Variants in ZNF454 observed in about 807,000 individuals in gnomAD.
The protein encoded by ZNF454 is zinc finger protein 454.
ZNF454 carries 30 observed loss-of-function variants against 48.2 expected under a neutral mutation model. That is an observed-to-expected ratio of 0.62 (90% confidence interval 0.47 to 0.84). The LOEUF (loss-of-function observed/expected upper bound fraction) is 0.84. Ranked by LOEUF, ZNF454 falls within the 40% of genes least tolerant of loss-of-function variation. ZNF454 has a pLI of 0.00. For missense variants in ZNF454, 510 were observed against 623.1 expected (o/e 0.82, Z 1.93); for synonymous variants, 204 against 211.4 (o/e 0.97, Z 0.30).
chr5:178,989,388 T>C, the ZNF454 span: 1 of 1,614,110 alleles, frequency 6.2e-7, no homozygotes, highest in Non-Finnish European at 8.5e-7. Flanking sequence ...GATCGAGTCA[T>C]GAAGTACTGG....
At chr5:178,981,744 C>T in the ZNF454 span, 1 of 1,614,014 alleles carries the variant, frequency 6.2e-7, no homozygotes, top group Non-Finnish European at 8.5e-7. The surrounding 1 kb of genome is among the most constrained non-coding windows in gnomAD (Gnocchi z 5.1). Flanking sequence ...TCTGCACATT[C>T]TGCTCTGGAT....
At chr5:178,967,010 C>A (rs372755915), downstream of ZNF454, among the ~76,000 whole-genome samples, 2 of 152,294 alleles carry the variant, frequency 1.3e-5, no homozygotes, top group Admixed American at 6.5e-5. Flanking sequence ...TTGAATATCA[C>A]ACCCAAATCC....
the ZNF454 span, chr5:178,986,813 C>G: frequency 6.2e-7 from 1 of 1,613,156 alleles, no homozygotes; most frequent in South Asian, 1.1e-5. Flanking sequence ...CCCATGCCCA[C>G]CTGGGGCTCG....
Position 178,946,620 on chromosome 5 carries a change from C to A in ZNF454, c.160+135C>A. ...AAGGGTGCCATTAATTTTACCTGTCCTTGGTGTCCTGGGCACAGGCCTCTT... is the reference window on the plus strand; with the variant it reads ...AAGGGTGCCATTAATTTTACCTGTCATTGGTGTCCTGGGCACAGGCCTCTT... On this transcript the variant is annotated intron_variant, in intron 3 of 4. Transcript: ENST00000519564. This position sits in a 1 kb window ranked among gnomAD's most constrained non-coding sequence, Gnocchi z 4.5. 7.9e-7 allele frequency: 1 copy of A among 1,261,920 alleles called. No individual in the cohort carries two copies. Among genetic ancestry groups the A allele is most frequent in the Non-Finnish European group, 1.1e-6 (1 of 926,910 alleles). The allele number at this position is 1,261,920 out of a possible 1,614,324, so 78.2% of individuals were successfully genotyped here.
chr5:178,964,603 C>A, intron 4 of ZNF454, 52 bp from the exon 5 acceptor site: 1 of 1,391,650 alleles, frequency 7.2e-7, no homozygotes, highest in Non-Finnish European at 1.0e-6. Flanking sequence ...CTTGCCCCAT[C>A]CAAATGTTTT....
downstream of ZNF454, among the ~76,000 whole-genome samples, chr5:178,968,549 TATTTC>T (rs1166145929): frequency 6.6e-6 from 1 of 152,216 alleles, no homozygotes; most frequent in Non-Finnish European, 1.5e-5. Context: ...TGTGAAGCAG[TATTTC>T]AAGAGGTTTC....
At chr5:178,989,534 G>C in the ZNF454 span, 1 of 1,148,792 alleles carries the variant, frequency 8.7e-7, no homozygotes, top group East Asian at 2.3e-5. Context: ...AGGTGAACTA[G>C]GCATGGCCAG....
Position 178,946,928 on chromosome 5 carries a change from C to A in ZNF454, c.192C>A (p.Ser64=). ...GLLGPKPDTF[S]QLEKREVWMP... ...TAGGACCCAAACCAGATACGTTTTC[C>A]CAGCTAGAAAAAAGGGAAGTGTGGA... Residue 64 remains serine, a synonymous_variant, in exon 4 of 5, where the codon TCC becomes TCA. Coordinates refer to ENST00000519564, the MANE Select transcript of ZNF454 (RefSeq NM_001178089.3). This position sits in a 1 kb window ranked among gnomAD's most constrained non-coding sequence, Gnocchi z 4.5. 3.7e-6 allele frequency: 6 copies of A among 1,613,972 alleles called. No individual in the cohort carries two copies. Among genetic ancestry groups the A allele is most frequent in the Non-Finnish European group, 5.1e-6 (6 of 1,179,960 alleles).
At chr5:178,958,175 G>A (rs1413678446) in intron 4 of ZNF454, among the ~76,000 whole-genome samples, 1 of 152,062 alleles carries the variant, frequency 6.6e-6, no homozygotes, top group Non-Finnish European at 1.5e-5. Context: ...CCAACTCAGT[G>A]AATTTTTACT....
intron 4 of ZNF454, among the ~76,000 whole-genome samples, chr5:178,952,374 C>G (rs922396876): frequency 6.6e-6 from 1 of 152,194 alleles, no homozygotes; most frequent in African/African-American, 2.4e-5. Context: ...TATTTACTTT[C>G]TACGACTTAC....
chr5:178,981,138 C>T, the ZNF454 span: 7 of 166,000 alleles, frequency 4.2e-5, no homozygotes, highest in South Asian at 3.3e-4. The surrounding 1 kb of genome is among the most constrained non-coding windows in gnomAD (Gnocchi z 5.1). Context: ...TCTCTCCCTC[C>T]GTGCCAGAGG....
At chr5:178,985,710 AAAAAC>A in the ZNF454 span, 10 of 417,752 alleles carry the variant, frequency 2.4e-5, no homozygotes, top group South Asian at 7.1e-5. Flanking sequence ...CTAAAAAAAA[AAAAAC>A]AAAACAACAC....
In ZNF454 at chr5:178,941,297, C is replaced by G; in HGVS notation, c.-255C>G. 1 of 438,324 alleles carries G rather than the reference C, an allele frequency of 2.3e-6. No individual in the cohort carries two copies. The highest frequency in any genetic ancestry group is 1.6e-5 in the South Asian group (1 of 61,002). 27.2% of individuals were successfully genotyped at this position (438,324 alleles called of 1,614,324 possible). A position where few individuals can be genotyped will look rare whatever the true frequency, so the allele number is the denominator to read the frequency against. ...AGGCTCCTCGAAGAGCGACACGGGG[C>G]TGACCAGGCACGGTGGTCAAAGCCG... On this transcript the variant is annotated 5_prime_UTR_variant, in exon 1 of 5. Transcript: ENST00000519564. This position sits in a 1 kb window ranked among gnomAD's most constrained non-coding sequence, Gnocchi z 5.5.
At chr5:178,968,441 A>C (rs1036139084), downstream of ZNF454, among the ~76,000 whole-genome samples, 30 of 152,166 alleles carry the variant, frequency 2.0e-4, no homozygotes, top group African/African-American at 5.5e-4. Flanking sequence ...AGTCCAAGTA[A>C]TCTAAATTCA....
chr5:178,987,466 G>T, the ZNF454 span: 5 of 456,790 alleles, frequency 1.1e-5, no homozygotes, highest in Non-Finnish European at 4.4e-6. Flanking sequence ...ACAATGGGAT[G>T]CGATTCAGCC....
At chr5:178,942,953 C>A in intron 2 of ZNF454, 129 bp downstream of exon 2, 1 of 1,001,992 alleles carries the variant, frequency 1.0e-6, no homozygotes, top group Non-Finnish European at 1.5e-6. Flanking sequence ...TGCCTCTCCC[C>A]AACCAACACC....
At chr5:178,960,590 C>A (rs1451470821) in intron 4 of ZNF454, among the ~76,000 whole-genome samples, 1 of 151,730 alleles carries the variant, frequency 6.6e-6, no homozygotes, top group Non-Finnish European at 1.5e-5. Context: ...ATTTCTGAGT[C>A]ATTGAGGGTG....
chr5:178,974,553 C>T, the ZNF454 span, among the ~76,000 whole-genome samples: 1 of 152,118 alleles, frequency 6.6e-6, no homozygotes, highest in Non-Finnish European at 1.5e-5. Flanking sequence ...CTCCTGACCT[C>T]GTGATCCACC....
At chr5:178,959,194 G>C (rs1759897986) in intron 4 of ZNF454, among the ~76,000 whole-genome samples, 1 of 152,086 alleles carries the variant, frequency 6.6e-6, no homozygotes, top group Non-Finnish European at 1.5e-5. Flanking sequence ...GGGGTATCCA[G>C]TTGACCCAGG....
Sources: gnomAD v4.1 joint callset for allele counts (sites outside exome capture counted in the v4.1 genomes callset) on GRCh38, gnomAD v4.1.1 for gene constraint, Gnocchi (gnomAD v3.1) non-coding constraint, MANE v1.5 for transcripts, NCBI Gene and HGNC (gene_info 2026-07-23, HGNC 2026-07-21) for gene names.